Variants in CAMKMT observed in about 807,000 individuals in gnomAD.
CAMKMT encodes the protein CaM KMT.
CAMKMT carries 53 observed loss-of-function variants against 48.0 expected under a neutral mutation model. The ratio of observed to expected loss-of-function variants is 1.10; its 90% CI spans 0.89 to 1.39. CAMKMT has a LOEUF of 1.39. Among genes scored for constraint, CAMKMT ranks in the 40% most tolerant of loss-of-function variants. The pLI is 0.00. For synonymous variants in CAMKMT, 165 were observed against 152.3 expected, an observed-to-expected ratio of 1.08 and a Z score of -0.61; for missense variants, 428 against 402.7, an observed-to-expected ratio of 1.06 and a Z score of -0.54.
In CAMKMT at chr2:44,474,172, G is replaced by A. The variant is rs538348953; in HGVS notation, c.376+83867G>A. The stretch of plus-strand genomic sequence containing the variant: ...AAATTTAGTAAGCATTGGGCCGGGC[G>A]TCGTGGCTCACACCTGTAATCCCAG... On this transcript the variant is annotated intron_variant, in intron 3 of 10. Transcript: ENST00000378494. 4.1e-4 allele frequency among the ~76,000 whole-genome samples: 63 copies of A among 152,222 alleles called. No individual in the cohort carries two copies. In the South Asian group the frequency reaches 5.2e-3, roughly 13 times the overall value.
At chr2:44,480,919 A>C (rs1668935361) in intron 3 of CAMKMT, among the ~76,000 whole-genome samples, 1 of 152,128 alleles carries the variant, frequency 6.6e-6, no homozygotes, top group African/African-American at 2.4e-5. Context: ...TTGAAGATAA[A>C]GGAAATGTAG....
intron 3 of CAMKMT, among the ~76,000 whole-genome samples, chr2:44,442,139 A>G (rs1432374168): frequency 6.6e-6 from 1 of 152,128 alleles, no homozygotes; most frequent in Non-Finnish European, 1.5e-5. Flanking sequence ...ACTCATTTTT[A>G]CCCAAGCAAG....
chr2:44,476,254 A>T (rs2104665793), intron 3 of CAMKMT, among the ~76,000 whole-genome samples: 1 of 152,280 alleles, frequency 6.6e-6, no homozygotes, highest in East Asian at 1.9e-4. Context: ...TAAAGTGGTG[A>T]AAGCATGTGG....
intron 6 of CAMKMT, among the ~76,000 whole-genome samples, chr2:44,708,401 T>G (rs534993681): frequency 6.6e-6 from 1 of 151,910 alleles, no homozygotes; most frequent in South Asian, 2.1e-4. Flanking sequence ...ATGCAGCAGC[T>G]TCATCAAGCT....
intron 3 of CAMKMT, among the ~76,000 whole-genome samples, chr2:44,446,797 A>G (rs1299467608): frequency 1.3e-5 from 2 of 152,180 alleles, no homozygotes; most frequent in African/African-American, 4.8e-5. Flanking sequence ...GCCTTTCATC[A>G]TCACAGTCTT....
At chr2:44,631,083 TC>T (rs1419101736) in intron 3 of CAMKMT, among the ~76,000 whole-genome samples, 1 of 152,204 alleles carries the variant, frequency 6.6e-6, no homozygotes, top group Non-Finnish European at 1.5e-5. Context: ...AATGATGAGT[TC>T]ATGTCCTTTG....
At chr2:44,609,158 G>A (rs1381696712) in intron 3 of CAMKMT, among the ~76,000 whole-genome samples, 1 of 152,194 alleles carries the variant, frequency 6.6e-6, no homozygotes, top group Non-Finnish European at 1.5e-5. Flanking sequence ...TGATCTCACC[G>A]AAGTAGAGGG....
At chr2:44,742,932 G>A (rs1446574963) in intron 7 of CAMKMT, among the ~76,000 whole-genome samples, 2 of 152,184 alleles carry the variant, frequency 1.3e-5, no homozygotes, top group East Asian at 1.9e-4. Flanking sequence ...TAAAATACTT[G>A]AATATGGTAA....
In CAMKMT at chr2:44,694,221, C is replaced by G. The variant is rs115759736; in HGVS notation, c.377-10062C>G. The stretch of plus-strand genomic sequence containing the variant: ...TACTGAATTTTAGGATTTGCTCAGT[C>G]TTCAGGTTAATCATAGTTGTGCTGT... On this transcript the variant is annotated intron_variant, in intron 3 of 10. Coordinates refer to ENST00000378494, the MANE Select transcript of CAMKMT (RefSeq NM_024766.5). 7.6e-3 allele frequency among the ~76,000 whole-genome samples: 1,164 copies of G among 152,312 alleles called. 20 individuals are homozygous for G. The highest frequency in any genetic ancestry group is 0.026 in the African/African-American group (1,101 of 41,578).
intron 3 of CAMKMT, among the ~76,000 whole-genome samples, chr2:44,551,697 G>T (rs539686962): frequency 7.9e-5 from 12 of 152,280 alleles, no homozygotes; most frequent in Admixed American, 1.3e-4. Context: ...CACTGTAGAT[G>T]AATTTGCTCT....
At chr2:44,512,655 A>T (rs758308833) in intron 3 of CAMKMT, among the ~76,000 whole-genome samples, 1 of 152,180 alleles carries the variant, frequency 6.6e-6, no homozygotes, top group African/African-American at 2.4e-5. Flanking sequence ...TTTCTTCTCT[A>T]TTGGAAGGCC....
In CAMKMT at chr2:44,743,696, G is replaced by A; in HGVS notation, c.698G>A (p.Cys233Tyr). The A allele has an allele frequency of 6.2e-7, 1 of 1,607,162 alleles. No homozygotes were observed. Among genetic ancestry groups the A allele is most frequent in the Non-Finnish European group, 8.5e-7 (1 of 1,174,914 alleles). ...GHFDIVMCADCLFLDQYRASL... is the reference protein window; with the variant it reads ...GHFDIVMCADYLFLDQYRASL... ...TTTGACATTGTTATGTGTGCTGACT[G>A]GTAAGTACATAAAAATCACAAAACT... Residue 233 changes from cysteine to tyrosine, a missense_variant and splice_region_variant, in exon 8 of 11, where the codon TGC becomes TAC. Physicochemically the swap from Cys to Tyr is radical, Grantham distance 194 (BLOSUM62 -2). Transcript: ENST00000378494.
intron 6 of CAMKMT, among the ~76,000 whole-genome samples, chr2:44,711,433 T>G (rs1211108160): frequency 2.0e-5 from 3 of 152,186 alleles, no homozygotes; most frequent in African/African-American, 7.2e-5. Flanking sequence ...ATAACTTTGG[T>G]TATTTAAATT....
intron 7 of CAMKMT, among the ~76,000 whole-genome samples, chr2:44,727,637 G>A (rs1255865018): frequency 1.3e-5 from 2 of 152,108 alleles, no homozygotes; most frequent in African/African-American, 4.8e-5. Flanking sequence ...AGAACTTCTA[G>A]TACTATATTG....
chr2:44,610,328 A>C (rs1476334520), intron 3 of CAMKMT, among the ~76,000 whole-genome samples: 1 of 152,242 alleles, frequency 6.6e-6, no homozygotes, highest in Non-Finnish European at 1.5e-5. Context: ...ATTAAGCATT[A>C]GAATTTGGGA....
intron 3 of CAMKMT, among the ~76,000 whole-genome samples, chr2:44,484,024 G>T (rs563933446): frequency 4.6e-5 from 7 of 152,278 alleles, no homozygotes; most frequent in East Asian, 3.9e-4. Flanking sequence ...ATTACCATGA[G>T]CCTTTACTCT....
chr2:44,624,652 T>C (rs1162755924), intron 3 of CAMKMT, among the ~76,000 whole-genome samples: 1 of 152,236 alleles, frequency 6.6e-6, no homozygotes, highest in Non-Finnish European at 1.5e-5. Context: ...ACAAAGGACA[T>C]GAACTCATCA....
chr2:44,669,162 T>C (rs1250536218), intron 3 of CAMKMT, among the ~76,000 whole-genome samples: 2 of 152,234 alleles, frequency 1.3e-5, no homozygotes, highest in Non-Finnish European at 2.9e-5. Flanking sequence ...ATTTTTGTTT[T>C]GCATGTTTTG....
intron 3 of CAMKMT, among the ~76,000 whole-genome samples, chr2:44,475,339 A>G (rs1282090988): frequency 6.9e-6 from 1 of 145,586 alleles, no homozygotes; most frequent in East Asian, 2.0e-4. Flanking sequence ...TTTTTTTGAG[A>G]TGGAGTCTTG....
Sources: allele counts gnomAD v4.1 joint callset (sites outside exome capture counted in the v4.1 genomes callset), GRCh38; gene constraint gnomAD v4.1.1; transcripts MANE v1.5; gene names NCBI Gene and HGNC (gene_info 2026-07-23, HGNC 2026-07-21).